Variants in PDZK1 observed in about 807,000 individuals in gnomAD.
PDZK1 encodes Na(+)/H(+) exchange regulatory cofactor NHE-RF3.
A neutral mutation model predicts 38.1 loss-of-function variants in PDZK1; 23 were observed. The ratio of observed to expected loss-of-function variants is 0.60; its 90% CI spans 0.43 to 0.85. The LOEUF is 0.85. Among genes scored for constraint, PDZK1 ranks in the 40% least tolerant of loss-of-function variants. The pLI, the probability that PDZK1 is intolerant of heterozygous loss-of-function variation, is 0.00. For synonymous variants in PDZK1, 98 were observed against 186.2 expected (o/e 0.53, Z 3.86); for missense variants, 297 against 504.3 (o/e 0.59, Z 3.94).
intron 6 of PDZK1, among the ~76,000 whole-genome samples, chr1:145,674,920 A>G (rs1344190137): frequency 1.3e-5 from 2 of 152,184 alleles, no homozygotes; most frequent in Non-Finnish European, 2.9e-5. Context: ...ACCAACCCAT[A>G]TACACAGGAA....
chr1:145,683,427 C>T (rs587669276), intron 3 of PDZK1, among the ~76,000 whole-genome samples: 1 of 152,296 alleles, frequency 6.6e-6, no homozygotes, highest in Admixed American at 6.5e-5. Context: ...ACCATTCTCT[C>T]CTCTTCAGTT....
chr1:145,688,165 G>T, intron 1 of PDZK1, 142 bp from the exon 2 acceptor site: 1 of 724,652 alleles, frequency 1.4e-6, no homozygotes, highest in Non-Finnish European at 2.3e-6. Flanking sequence ...GGGCACAGGA[G>T]GACACCTTCC....
At chr1:145,703,348 G>T (rs1219265192) in intron 1 of PDZK1, among the ~76,000 whole-genome samples, 1 of 152,076 alleles carries the variant, frequency 6.6e-6, no homozygotes, top group Non-Finnish European at 1.5e-5. Context: ...GTGGGTGCTG[G>T]AATATTTAAA....
intron 5 of PDZK1, among the ~76,000 whole-genome samples, chr1:145,680,350 A>G (rs1553700067): frequency 6.6e-6 from 1 of 152,222 alleles, no homozygotes; most frequent in African/African-American, 2.4e-5. Flanking sequence ...AGCAGTTTAT[A>G]CGGCCCGAAC....
chr1:145,697,241 C>T lies in PDZK1; in HGVS notation c.-2-9218G>A, dbSNP rs587679791. Among the ~76,000 whole-genome samples the T allele has an allele frequency of 1.4e-4, 21 of 151,890 alleles. 1 individual carries two copies. The South Asian group carries it at 3.5e-3, about 26-fold the overall frequency. ...ACTTGGGAGGCTGAGGCAGGAGAATCGCTTGAACCCGGGAGGCAGTGGTTG... is the reference window on the plus strand; with the variant it reads ...ACTTGGGAGGCTGAGGCAGGAGAATTGCTTGAACCCGGGAGGCAGTGGTTG... On this transcript the variant is annotated intron_variant, in intron 1 of 8. Transcript: ENST00000417171.
chr1:145,699,742 C>T (rs1655848840), intron 1 of PDZK1, among the ~76,000 whole-genome samples: 1 of 152,128 alleles, frequency 6.6e-6, no homozygotes, highest in South Asian at 2.1e-4. Flanking sequence ...TTTTTGTTTC[C>T]ATCTTCCCCC....
chr1:145,684,216 T>TC (rs1471480936), intron 3 of PDZK1, among the ~76,000 whole-genome samples: 1 of 148,152 alleles, frequency 6.7e-6, no homozygotes, highest in African/African-American at 2.5e-5. Flanking sequence ...GCTTTTTTTT[T>TC]TTTTTTTTTT....
At chr1:145,681,232 G>A in intron 4 of PDZK1, 125 bp from the exon 5 acceptor site, 1 of 448,798 alleles carries the variant, frequency 2.2e-6, no homozygotes, top group Non-Finnish European at 4.0e-6. Flanking sequence ...TGAAAGGCCT[G>A]AGTTTAAGCT....
intron 1 of PDZK1, among the ~76,000 whole-genome samples, chr1:145,688,979 C>T (rs942705791): frequency 3.3e-5 from 5 of 152,224 alleles, no homozygotes; most frequent in African/African-American, 4.8e-5. Context: ...GACACCAGGC[C>T]TTAGAGCTGG....
intron 6 of PDZK1, chr1:145,676,135 C>G: frequency 1.0e-6 from 1 of 966,654 alleles, no homozygotes; most frequent in Non-Finnish European, 1.2e-6. Flanking sequence ...GATCTACCCT[C>G]CACCCCAACC....
intron 1 of PDZK1, among the ~76,000 whole-genome samples, chr1:145,705,767 T>C (rs369335306): frequency 6.6e-6 from 1 of 152,194 alleles, no homozygotes; most frequent in East Asian, 1.9e-4. Flanking sequence ...TTTTTTGTTT[T>C]TTAGACAGGA....
intron 1 of PDZK1, among the ~76,000 whole-genome samples, chr1:145,699,079 A>G (rs1388924440): frequency 6.6e-6 from 1 of 152,018 alleles, no homozygotes; most frequent in African/African-American, 2.4e-5. Flanking sequence ...CTCTACTAAA[A>G]ATACAAAAAT....
intron 1 of PDZK1, among the ~76,000 whole-genome samples, chr1:145,694,811 C>G (rs1286273029): frequency 2.1e-5 from 3 of 142,304 alleles, no homozygotes; most frequent in African/African-American, 2.6e-5. Flanking sequence ...GCAGGAGAAT[C>G]GCTTGAACCC....
chr1:145,704,141 C>G (rs1656123747), intron 1 of PDZK1, among the ~76,000 whole-genome samples: 1 of 152,272 alleles, frequency 6.6e-6, no homozygotes, highest in Non-Finnish European at 1.5e-5. Flanking sequence ...GATAAGCTTT[C>G]TTAAGAGCAG....
At position 145,672,777 on chromosome 1, in the gene PDZK1, C is replaced by T; in HGVS notation, c.1459G>A (p.Gly487Arg). 6.2e-7 allele frequency: 1 copy of T among 1,611,868 alleles called. No individual in the cohort carries two copies. The highest frequency in any genetic ancestry group is 1.1e-5 in the South Asian group (1 of 90,988). The change falls in exon 8 of 9, where the codon GGA (glycine) becomes AGA (arginine). Residue 487 changes from glycine (G) to arginine (R), a missense_variant. Physicochemically the swap from Gly to Arg is moderately radical, Grantham distance 125 (BLOSUM62 -2). This residue lies in a region of PDZK1 where 54 missense variants were observed against 72.1 expected (regional missense o/e 0.75). Transcript: ENST00000417171. ...PLDTPPDSKE[G>R]IVVESNHDSH... ...TCATGGTTTGACTCCACCACTATTC[C>T]TTCTTTAGAATCTGGAGGGGTGTCA...
At chr1:145,688,135 T>C (rs950336580) in intron 1 of PDZK1, 112 bp from the exon 2 acceptor site, 11 of 911,902 alleles carry the variant, frequency 1.2e-5, no homozygotes, top group Non-Finnish European at 1.9e-5. Context: ...AAATCTAGAC[T>C]GCTTGGGTAG....
At chr1:145,684,207 CTTTTT>C (rs1162290584) in intron 3 of PDZK1, among the ~76,000 whole-genome samples, 1 of 120,092 alleles carries the variant, frequency 8.3e-6, no homozygotes, top group Admixed American at 8.5e-5. Flanking sequence ...GCATTTTTGG[CTTTTT>C]TTTTTTTTTT....
chr1:145,704,988 T>C (rs1026964188), intron 1 of PDZK1, among the ~76,000 whole-genome samples: 1 of 152,222 alleles, frequency 6.6e-6, no homozygotes. Context: ...ATATGTTCTA[T>C]GCCAGGTAGT....
chr1:145,686,039 T>C (rs1654731188), intron 3 of PDZK1, among the ~76,000 whole-genome samples: 1 of 152,206 alleles, frequency 6.6e-6, no homozygotes, highest in Non-Finnish European at 1.5e-5. Flanking sequence ...AATGAATGAC[T>C]ATCTGGGCAC....
Sources: gnomAD v4.1 joint callset for allele counts (sites outside exome capture counted in the v4.1 genomes callset) on GRCh38, gnomAD v4.1.1 for gene constraint, gnomAD v4.1.1 regional missense constraint, MANE v1.5 for transcripts, NCBI Gene and HGNC (gene_info 2026-07-23, HGNC 2026-07-21) for gene names.